The following ACOT12 variants were observed in gnomAD, a reference collection of about 807,000 sequenced individuals.
The protein encoded by ACOT12 is acetyl-coenzyme A thioesterase.
ACOT12 carries 51 observed loss-of-function variants against 67.7 expected under a neutral mutation model. That is an observed-to-expected ratio of 0.75 (90% CI 0.60 to 0.95). The LOEUF is 0.95. Among genes scored for constraint, ACOT12 ranks in the 40% least tolerant of loss-of-function variants. The pLI is 0.00. For synonymous variants in ACOT12, 251 were observed against 244.6 expected (o/e 1.03, Z -0.24); for missense variants, 734 against 708.1 (o/e 1.04, Z -0.41).
chr5:81,369,783 A>T lies in ACOT12; in HGVS notation c.258+1967T>A, dbSNP rs535809707. ...GAAATGTAAAGGAGGTTTTATCTAT[A>T]TTTGGACTGTCTATCAGGAGAATGT... is the stretch of plus-strand genomic sequence containing the variant. On this transcript the variant is annotated intron_variant, in intron 3 of 14. Coordinates refer to ENST00000307624, the MANE Select transcript of ACOT12 (RefSeq NM_130767.3). Among the ~76,000 whole-genome samples, 3 of 152,320 alleles carry T rather than the reference A, an allele frequency of 2.0e-5. No individual in the cohort carries two copies. In the East Asian group the frequency reaches 5.8e-4, roughly 29 times the overall value.
chr5:81,380,069 T>G (rs1760534090), intron 2 of ACOT12, among the ~76,000 whole-genome samples: 1 of 152,222 alleles, frequency 6.6e-6, no homozygotes. Context: ...CATACATATG[T>G]ATATTTATTT....
chr5:81,356,218 C>T (rs1240603911), intron 5 of ACOT12, among the ~76,000 whole-genome samples: 1 of 152,246 alleles, frequency 6.6e-6, no homozygotes, highest in Non-Finnish European at 1.5e-5. Flanking sequence ...TCTAACCCCA[C>T]ACTTGCCGAT....
chr5:81,318,028 A>G, the ACOT12 span, among the ~76,000 whole-genome samples: 4 of 151,830 alleles, frequency 2.6e-5, no homozygotes, highest in African/African-American at 9.7e-5. Flanking sequence ...GACTACAGGC[A>G]TGCTGCACCA....
chr5:81,359,019 C>T (rs935721008), intron 5 of ACOT12, among the ~76,000 whole-genome samples: 37 of 152,272 alleles, frequency 2.4e-4, no homozygotes, highest in African/African-American at 8.2e-4. Flanking sequence ...ATACTGGCTG[C>T]TACCTCTCCC....
chr5:81,342,287 G>A (rs938937274), intron 11 of ACOT12, among the ~76,000 whole-genome samples: 2 of 152,050 alleles, frequency 1.3e-5, no homozygotes, highest in South Asian at 2.1e-4. Flanking sequence ...CAGCACACTC[G>A]ACCAAAAAAA....
chr5:81,335,551 G>C lies in ACOT12; in HGVS notation c.1262+217C>G, dbSNP rs1580530226. Among the ~76,000 whole-genome samples the C allele has an allele frequency of 4.6e-5, 7 of 152,158 alleles. 1 individual carries two copies. The South Asian group carries it at 1.5e-3, about 32-fold the overall frequency. On this transcript the variant is annotated intron_variant, in intron 12 of 14. Coordinates refer to ENST00000307624, the MANE Select transcript of ACOT12 (RefSeq NM_130767.3). ...AGCTAATTTTTGTGTATTTTATAGA[G>C]ATGGGCTTTCACCATGTTGCCCAGG...
At chr5:81,390,366 T>C (rs1760831322) in intron 1 of ACOT12, among the ~76,000 whole-genome samples, 1 of 151,632 alleles carries the variant, frequency 6.6e-6, no homozygotes. Flanking sequence ...TCCATTCTGC[T>C]GTTAAGCCTA....
downstream of ACOT12, among the ~76,000 whole-genome samples, chr5:81,326,117 C>CTTTTTTTTTTTTTTTTTT (rs1199895738): frequency 1.3e-5 from 1 of 77,032 alleles, no homozygotes; most frequent in Admixed American, 2.0e-4. Flanking sequence ...CCCTGAGATT[C>CTTTTTTTTTTTTTTTTTT]TTTTTTTTTT....
intron 2 of ACOT12, among the ~76,000 whole-genome samples, chr5:81,374,920 G>C (rs1411042891): frequency 6.6e-6 from 1 of 152,158 alleles, no homozygotes; most frequent in East Asian, 1.9e-4. Flanking sequence ...ACACTCTTCA[G>C]GATATTATCC....
rs891305183 is a variant in ACOT12 at position 81,343,854 on chromosome 5, C to T, written c.1008G>A (p.Glu336=). The T allele has an allele frequency of 6.2e-7, 1 of 1,613,252 alleles. No individual in the cohort carries two copies. The highest frequency in any genetic ancestry group is 1.1e-5 in the South Asian group (1 of 90,750). The change falls in exon 10 of 15, where the codon GAG becomes GAA. Residue 336 remains glutamate (E), a synonymous_variant. Coordinates refer to ENST00000307624, the MANE Select transcript of ACOT12 (RefSeq NM_130767.3). ...GRKYVISHKE[E]VPLCIHWDIS... is the part of the protein sequence containing the mutation. Reference sequence around the variant, plus strand: ...TATCCCAGTGTATGCAAAGTGGAACCTCTTCTTTGTGGGAAATAACATATT... The same window carrying T: ...TATCCCAGTGTATGCAAAGTGGAACTTCTTCTTTGTGGGAAATAACATATT...
At chr5:81,323,517 T>C in the ACOT12 span, among the ~76,000 whole-genome samples, 2 of 152,208 alleles carry the variant, frequency 1.3e-5, no homozygotes, top group Non-Finnish European at 2.9e-5. Flanking sequence ...AAGCCTTTGA[T>C]TGCATGATGT....
downstream of ACOT12, among the ~76,000 whole-genome samples, chr5:81,327,526 C>T (rs900634041): frequency 2.6e-5 from 4 of 152,230 alleles, no homozygotes; most frequent in East Asian, 1.9e-4. Context: ...CTGCAACCTT[C>T]GCCTCCCAGG....
At chr5:81,374,168 A>G (rs1031443921) in intron 2 of ACOT12, among the ~76,000 whole-genome samples, 8 of 152,228 alleles carry the variant, frequency 5.3e-5, no homozygotes, top group Admixed American at 5.2e-4. Flanking sequence ...GCTGTTCTGC[A>G]GCCTCTGCTG....
the ACOT12 span, among the ~76,000 whole-genome samples, chr5:81,315,891 C>T: frequency 6.6e-6 from 1 of 152,192 alleles, no homozygotes. Flanking sequence ...TTTTCTGTGT[C>T]ATTTATCACC....
chr5:81,353,824 C>G (rs1016066466), intron 5 of ACOT12, among the ~76,000 whole-genome samples: 1 of 152,142 alleles, frequency 6.6e-6, no homozygotes, highest in Non-Finnish European at 1.5e-5. Flanking sequence ...GAAAAATATT[C>G]CAATCTTTTA....
chr5:81,319,963 CAG>C, the ACOT12 span, among the ~76,000 whole-genome samples: 11 of 151,830 alleles, frequency 7.2e-5, no homozygotes, highest in African/African-American at 1.2e-4. Flanking sequence ...AGAGTAAACA[CAG>C]AGAGAGAAAT....
the ACOT12 span, among the ~76,000 whole-genome samples, chr5:81,315,972 C>CG: frequency 1.3e-5 from 2 of 152,160 alleles, no homozygotes; most frequent in Admixed American, 6.5e-5. Context: ...ATAATCTCCA[C>CG]GGGGGGTGGA....
chr5:81,360,061 C>A, intron 4 of ACOT12, 23 bp from the exon 5 acceptor site: 1 of 1,583,916 alleles, frequency 6.3e-7, no homozygotes. Flanking sequence ...AAGCATTTAT[C>A]TTTTATTGCC....
chr5:81,331,916 G>A (rs1758840922), intron 13 of ACOT12, among the ~76,000 whole-genome samples: 1 of 152,102 alleles, frequency 6.6e-6, no homozygotes, highest in South Asian at 2.1e-4. Flanking sequence ...TTTATAAGAT[G>A]GATTTTCCAT....
Sources: gnomAD v4.1 joint callset for allele counts (sites outside exome capture counted in the v4.1 genomes callset) on GRCh38, gnomAD v4.1.1 for gene constraint, MANE v1.5 for transcripts, NCBI Gene and HGNC (gene_info 2026-07-23, HGNC 2026-07-21) for gene names.